Variants in HSPA4 observed in about 807,000 individuals in gnomAD.
The protein encoded by HSPA4 is heat shock protein family A (Hsp70) member 4, also known as heat shock 70 kDa protein 4.
In HSPA4, 25 loss-of-function variants were observed where a neutral mutation model predicts 106.2. The observed-to-expected ratio is 0.24, with a 90% CI of 0.17 to 0.33. The LOEUF is 0.33. Ranked by LOEUF, HSPA4 falls within the 10% of genes least tolerant of loss-of-function variation. The pLI, the probability that HSPA4 is intolerant of heterozygous loss-of-function variation, is 1.00. For synonymous variants in HSPA4, 332 were observed against 333.6 expected, an observed-to-expected ratio of 1.00 and a Z score of 0.05; for missense variants, 841 against 996.0, an observed-to-expected ratio of 0.84 and a Z score of 2.10.
At chr5:133,079,834 T>C (rs1765491762) in intron 7 of HSPA4, among the ~76,000 whole-genome samples, 1 of 152,228 alleles carries the variant, frequency 6.6e-6, no homozygotes, top group Admixed American at 6.5e-5. Context: ...ATCGTTTTGA[T>C]GGTTGGAAGT....
intron 7 of HSPA4, among the ~76,000 whole-genome samples, chr5:133,085,565 C>T (rs1402232740): frequency 6.6e-6 from 1 of 151,462 alleles, no homozygotes; most frequent in Non-Finnish European, 1.5e-5. Flanking sequence ...GAGGCTGAGG[C>T]AGGAGAATTG....
chr5:133,089,465 G>A (rs1365466431), intron 10 of HSPA4, 97 bp from the exon 11 acceptor site: 2 of 1,054,482 alleles, frequency 1.9e-6, no homozygotes, highest in Admixed American at 2.4e-5. Flanking sequence ...AAAAGAGAGA[G>A]AAACTAACAC....
chr5:133,102,448 A>G (rs903895243), intron 17 of HSPA4, among the ~76,000 whole-genome samples: 7 of 152,192 alleles, frequency 4.6e-5, no homozygotes, highest in African/African-American at 1.2e-4. Context: ...CTTAACATGC[A>G]CTATCCTGGT....
chr5:133,063,597 A>AT (rs1379131488), intron 1 of HSPA4, among the ~76,000 whole-genome samples: 1 of 142,556 alleles, frequency 7.0e-6, no homozygotes, highest in Non-Finnish European at 1.5e-5. Flanking sequence ...TGCCCAGCTA[A>AT]TTTTTTTGTA....
At chr5:133,091,475 G>T in intron 12 of HSPA4, 101 bp downstream of exon 12, 1 of 812,172 alleles carries the variant, frequency 1.2e-6, no homozygotes. Flanking sequence ...TTGTGACAGA[G>T]CTGCTGAGTG....
intron 6 of HSPA4, 141 bp from the exon 7 acceptor site, chr5:133,076,513 T>C (rs1765447441): frequency 1.5e-6 from 1 of 670,466 alleles, no homozygotes; most frequent in South Asian, 2.0e-5. Context: ...AAGGATTAAA[T>C]GATGTATACA....
chr5:133,082,408 C>A (rs955642000), intron 7 of HSPA4, among the ~76,000 whole-genome samples: 4 of 152,024 alleles, frequency 2.6e-5, no homozygotes, highest in African/African-American at 9.7e-5. Flanking sequence ...ATTTTTGTAC[C>A]AAAACCTCAT....
intron 11 of HSPA4, among the ~76,000 whole-genome samples, chr5:133,090,913 C>CT (rs1765639464): frequency 6.6e-6 from 1 of 151,136 alleles, no homozygotes; most frequent in Admixed American, 6.6e-5. Flanking sequence ...CTGAAAGTAG[C>CT]ATATAAAGAT....
At position 133,104,955 on chromosome 5, in the gene HSPA4, A is replaced by G. The variant is rs540668149; in HGVS notation, c.*519A>G. The G allele has an allele frequency of 6.5e-6, 1 of 153,932 alleles. No homozygotes were observed. The highest frequency in any genetic ancestry group is 2.4e-5 in the African/African-American group (1 of 41,454). 9.5% of individuals were successfully genotyped at this position (153,932 alleles called of 1,614,324 possible). Reference sequence around the variant, plus strand: ...ACAAAGGTGTGCTCTGAGCTTCTTCATATTTCACCTTCACCCTCACCTGTG... The same window carrying G: ...ACAAAGGTGTGCTCTGAGCTTCTTCGTATTTCACCTTCACCCTCACCTGTG... On this transcript the variant is annotated 3_prime_UTR_variant, in exon 19 of 19. Coordinates refer to ENST00000304858, the MANE Select transcript of HSPA4 (RefSeq NM_002154.4).
intron 3 of HSPA4, among the ~76,000 whole-genome samples, chr5:133,070,128 C>T (rs898546612): frequency 1.3e-5 from 2 of 151,882 alleles, no homozygotes; most frequent in African/African-American, 2.4e-5. Flanking sequence ...GATCATGCCA[C>T]GGCGCTCCAG....
chr5:133,072,640 C>T (rs1211396848), intron 4 of HSPA4, among the ~76,000 whole-genome samples: 1 of 150,200 alleles, frequency 6.7e-6, no homozygotes, highest in East Asian at 2.0e-4. Flanking sequence ...CTCGTGACAT[C>T]AGGTGATCCA....
At chr5:133,083,413 G>A (rs1164679936) in intron 7 of HSPA4, among the ~76,000 whole-genome samples, 2 of 152,200 alleles carry the variant, frequency 1.3e-5, no homozygotes, top group Non-Finnish European at 2.9e-5. Context: ...ATGCAACAAA[G>A]TTGGAAGAAT....
At position 133,091,125 on chromosome 5, in the gene HSPA4, A is replaced by T. The variant is rs771803788; in HGVS notation, c.1379-68A>T. 7.3e-6 allele frequency: 9 copies of T among 1,230,828 alleles called. No homozygotes were observed. In the South Asian group the frequency reaches 9.7e-5, roughly 13 times the overall value. The allele number at this position is 1,230,828 out of a possible 1,614,324, so 76.2% of individuals were successfully genotyped here. A position where few individuals can be genotyped will look rare whatever the true frequency, so the allele number is the denominator to read the frequency against. The stretch of plus-strand genomic sequence containing the variant: ...GAAAGTAGACATAATCTAGCAATGT[A>T]GGCATATATTCATGCTTGAATTCAT... On this transcript the variant is annotated intron_variant, in intron 11 of 18. Coordinates refer to ENST00000304858, the MANE Select transcript of HSPA4 (RefSeq NM_002154.4).
At chr5:133,082,971 C>G (rs973996534) in intron 7 of HSPA4, among the ~76,000 whole-genome samples, 1 of 151,650 alleles carries the variant, frequency 6.6e-6, no homozygotes, top group African/African-American at 2.4e-5. Context: ...CCCATCTCTA[C>G]TAAAAATACA....
In HSPA4 at chr5:133,089,676, C is replaced by T. The variant is rs755602427; in HGVS notation, c.1359C>T (p.Pro453=). 14 of 1,602,240 alleles carry T rather than the reference C, an allele frequency of 8.7e-6. No individual in the cohort carries two copies. In the South Asian group the frequency reaches 8.9e-5, roughly 10 times the overall value. ...ACTACAGCTCTCCTCAGGATTTGCC[C>T]TATCCAGATCCTGCTATAGGTAAGT... ...EAYYSSPQDL[P]YPDPAIAQFS... is the part of the protein sequence containing the mutation. Residue 453 remains proline (P), a synonymous_variant, in exon 11 of 19, where the codon CCC becomes CCT. Transcript: ENST00000304858.
intron 6 of HSPA4, among the ~76,000 whole-genome samples, chr5:133,075,737 G>A (rs1193447430): frequency 6.6e-6 from 1 of 152,054 alleles, no homozygotes; most frequent in Non-Finnish European, 1.5e-5. Context: ...TGCTGGGGTG[G>A]CGGGATTGCT....
At chr5:133,062,353 A>G (rs1438011790) in intron 1 of HSPA4, among the ~76,000 whole-genome samples, 6 of 152,150 alleles carry the variant, frequency 3.9e-5, no homozygotes, top group Non-Finnish European at 7.3e-5. Flanking sequence ...GATGAGTAAC[A>G]TTGCCTTTTA....
intron 17 of HSPA4, among the ~76,000 whole-genome samples, 174 bp downstream of exon 17, chr5:133,102,052 G>A (rs1223696056): frequency 6.7e-6 from 1 of 150,264 alleles, no homozygotes; most frequent in Non-Finnish European, 1.5e-5. Flanking sequence ...TCAGCTTCCC[G>A]AGTAGCTGGG....
intron 4 of HSPA4, among the ~76,000 whole-genome samples, chr5:133,070,704 C>A (rs1161698398): frequency 6.6e-6 from 1 of 152,068 alleles, no homozygotes; most frequent in Non-Finnish European, 1.5e-5. Context: ...GAGTTCGAGA[C>A]CAGCCTGGCC....
Sources: allele counts gnomAD v4.1 joint callset (sites outside exome capture counted in the v4.1 genomes callset), GRCh38; gene constraint gnomAD v4.1.1; transcripts MANE v1.5; gene names NCBI Gene and HGNC (gene_info 2026-07-23, HGNC 2026-07-21).